TMEM108: variants seen among roughly 807,000 people sequenced by gnomAD.
TMEM108 encodes the protein cancer/testis antigen 124.
A neutral mutation model predicts 35.1 loss-of-function variants in TMEM108; 12 were observed. The ratio of observed to expected loss-of-function variants is 0.34; its 90% confidence interval spans 0.22 to 0.55. The LOEUF (loss-of-function observed/expected upper bound fraction) is 0.55. Ranked by LOEUF, TMEM108 falls within the 20% of genes least tolerant of loss-of-function variation. TMEM108 has a pLI of 0.89. For missense variants in TMEM108, 680 were observed against 753.3 expected, an observed-to-expected ratio of 0.90 and a Z score of 1.14; for synonymous variants, 287 against 308.6, an observed-to-expected ratio of 0.93 and a Z score of 0.73.
intron 2 of TMEM108, among the ~76,000 whole-genome samples, chr3:133,110,148 C>A (rs564957608): frequency 6.6e-6 from 1 of 151,994 alleles, no homozygotes; most frequent in South Asian, 2.1e-4. Context: ...AACAAGCAGA[C>A]AAGTAAAAAG....
chr3:133,307,590 G>A (rs1332174287), intron 3 of TMEM108, among the ~76,000 whole-genome samples: 1 of 152,052 alleles, frequency 6.6e-6, no homozygotes, highest in African/African-American at 2.4e-5. Flanking sequence ...ATCTACATAT[G>A]GCTAGCCAGT....
At chr3:133,148,325 C>T (rs951614684) in intron 2 of TMEM108, among the ~76,000 whole-genome samples, 7 of 152,178 alleles carry the variant, frequency 4.6e-5, no homozygotes, top group Non-Finnish European at 1.0e-4. Context: ...TCTGAAAGAA[C>T]ATCTAATGGC....
chr3:133,301,235 G>C (rs1947221002), intron 3 of TMEM108, among the ~76,000 whole-genome samples: 4 of 152,114 alleles, frequency 2.6e-5, no homozygotes, highest in Admixed American at 1.3e-4. Context: ...TTCAAGATTT[G>C]CTCTTAGGAC....
chr3:133,214,927 A>G (rs1036571295), intron 2 of TMEM108, among the ~76,000 whole-genome samples: 2 of 151,926 alleles, frequency 1.3e-5, no homozygotes, highest in African/African-American at 4.8e-5. Context: ...TCATCCCAAA[A>G]CCATGTCCCC....
chr3:133,286,101 T>C (rs1265506524), intron 3 of TMEM108, among the ~76,000 whole-genome samples: 1 of 152,192 alleles, frequency 6.6e-6, no homozygotes, highest in Non-Finnish European at 1.5e-5. Flanking sequence ...TTTCCGTAAA[T>C]GTGCGTTGAA....
chr3:133,284,455 A>G, intron 3 of TMEM108, among the ~76,000 whole-genome samples: 1 of 152,192 alleles, frequency 6.6e-6, no homozygotes, highest in East Asian at 1.9e-4. Flanking sequence ...CTAGTTTCTA[A>G]GCACCAACAA....
chr3:133,108,539 G>A (rs949225323), intron 2 of TMEM108, among the ~76,000 whole-genome samples: 58 of 152,040 alleles, frequency 3.8e-4, no homozygotes, highest in African/African-American at 1.4e-3. Context: ...AGATGAGTAG[G>A]TTGTGAAAAT....
At chr3:133,195,038 A>G (rs1945557100) in intron 2 of TMEM108, among the ~76,000 whole-genome samples, 1 of 152,210 alleles carries the variant, frequency 6.6e-6, no homozygotes, top group South Asian at 2.1e-4. Context: ...TTATTTATAA[A>G]ATATTTCTTA....
intron 3 of TMEM108, among the ~76,000 whole-genome samples, chr3:133,303,991 G>T (rs144972219): frequency 6.6e-6 from 1 of 152,148 alleles, no homozygotes; most frequent in African/African-American, 2.4e-5. Context: ...TAAGTCTCAC[G>T]ATTTGAGATC....
At chr3:133,039,773 C>CT (rs1171371051) in intron 1 of TMEM108, among the ~76,000 whole-genome samples, 1 of 152,146 alleles carries the variant, frequency 6.6e-6, no homozygotes, top group Non-Finnish European at 1.5e-5. Context: ...GGATAAGGGT[C>CT]TCTCTACCTT....
intron 4 of TMEM108, among the ~76,000 whole-genome samples, chr3:133,383,705 G>GGACT (rs2073073049): frequency 6.6e-6 from 1 of 152,318 alleles, no homozygotes; most frequent in African/African-American, 2.4e-5. Context: ...ACACAGCCTG[G>GGACT]GACTGTCCCT....
chr3:133,070,770 T>TGTATCTGTGTGTGTTTGTGTGA (rs1297545439), intron 2 of TMEM108, among the ~76,000 whole-genome samples: 1 of 151,818 alleles, frequency 6.6e-6, no homozygotes, highest in Non-Finnish European at 1.5e-5. Flanking sequence ...TGTGTGTGTG[T>TGTATCTGTGTGTGTTTGTGTGA]GTATCTGTGT....
chr3:133,312,280 G>A (rs2071139901), intron 3 of TMEM108, among the ~76,000 whole-genome samples: 1 of 152,222 alleles, frequency 6.6e-6, no homozygotes, highest in South Asian at 2.1e-4. Flanking sequence ...GTCAGACAGG[G>A]ATGTTTAAGT....
chr3:133,230,796 G>A (rs890962955), intron 3 of TMEM108, among the ~76,000 whole-genome samples: 3 of 152,108 alleles, frequency 2.0e-5, no homozygotes, highest in Admixed American at 6.5e-5. Flanking sequence ...AAAGGCATCA[G>A]TAAATTATCC....
chr3:133,214,745 G>A (rs1945881677), intron 2 of TMEM108, among the ~76,000 whole-genome samples: 1 of 152,180 alleles, frequency 6.6e-6, no homozygotes, highest in African/African-American at 2.4e-5. Context: ...TTAGCAGGAG[G>A]TGAGCTGCAG....
At chr3:133,361,202 G>A (rs959183486) in intron 3 of TMEM108, among the ~76,000 whole-genome samples, 4 of 152,138 alleles carry the variant, frequency 2.6e-5, no homozygotes, top group East Asian at 1.9e-4. Flanking sequence ...TAGGCATTGC[G>A]ACAGACCCAC....
At chr3:133,145,229 C>A (rs901767319) in intron 2 of TMEM108, among the ~76,000 whole-genome samples, 2 of 152,006 alleles carry the variant, frequency 1.3e-5, no homozygotes, top group African/African-American at 2.4e-5. Flanking sequence ...AAATCCTTTC[C>A]CCATTTCTTG....
chr3:133,111,018 G>C (rs1944217788), intron 2 of TMEM108, among the ~76,000 whole-genome samples: 1 of 152,142 alleles, frequency 6.6e-6, no homozygotes, highest in Admixed American at 6.6e-5. Context: ...TCACTCTGTT[G>C]ACCCAGCTTG....
chr3:133,306,568 C>T lies in TMEM108; in HGVS notation c.41-73184C>T, dbSNP rs114246715. 1.8e-3 allele frequency among the ~76,000 whole-genome samples: 271 copies of T among 152,224 alleles called. 1 individual carries two copies. Among genetic ancestry groups the T allele is most frequent in the African/African-American group, 6.3e-3 (260 of 41,508 alleles). On this transcript the variant is annotated intron_variant, in intron 3 of 5. Coordinates refer to ENST00000321871, the MANE Select transcript of TMEM108 (RefSeq NM_023943.4). ...TGTGTGATGTTCACCGCCCTGTGTC[C>T]AAGTGTTGTCATTGTTCAGTTCCCA...
Sources: allele counts gnomAD v4.1 joint callset (sites outside exome capture counted in the v4.1 genomes callset), GRCh38; gene constraint gnomAD v4.1.1; transcripts MANE v1.5; gene names NCBI Gene and HGNC (gene_info 2026-07-23, HGNC 2026-07-21).